CSMD1: variants seen among roughly 807,000 people sequenced by gnomAD.
The protein encoded by CSMD1 is CUB and sushi domain-containing protein 1.
A neutral mutation model predicts 417.5 loss-of-function variants in CSMD1; 213 were observed. That is an observed-to-expected ratio of 0.51 (90% confidence interval 0.46 to 0.57). The LOEUF is 0.57. Among genes scored for constraint, CSMD1 ranks in the 20% least tolerant of loss-of-function variants. The pLI, the probability that CSMD1 is intolerant of heterozygous loss-of-function variation, is 0.00. For missense variants in CSMD1, 6,923 were observed against 4,529.7 expected (o/e 1.53, Z -15.17); for synonymous variants, 2,862 against 1,736.8 (o/e 1.65, Z -16.11).
At chr8:3,945,507 A>T (rs2912289) in intron 5 of CSMD1, among the ~76,000 whole-genome samples, 6 of 151,768 alleles carry the variant, frequency 4.0e-5, no homozygotes. Context: ...ATATTTCCAA[A>T]GTTTATTGGT....
intron 3 of CSMD1, among the ~76,000 whole-genome samples, chr8:4,192,216 A>C (rs73658452): frequency 0.028 from 4,258 of 152,286 alleles, 216 homozygotes; most frequent in African/African-American, 0.097. Flanking sequence ...AACAGCAAAG[A>C]TGATTGAATG....
chr8:4,830,009 G>C (rs1397979850), intron 1 of CSMD1, among the ~76,000 whole-genome samples: 1 of 152,180 alleles, frequency 6.6e-6, no homozygotes, highest in African/African-American at 2.4e-5. Context: ...CTCTCGTGAT[G>C]AACTGCCTGT....
At chr8:4,161,414 C>T (rs965270655) in intron 3 of CSMD1, among the ~76,000 whole-genome samples, 3 of 152,170 alleles carry the variant, frequency 2.0e-5, no homozygotes, top group Non-Finnish European at 4.4e-5. Context: ...CTTGTCATTC[C>T]TCCTTAATTT....
At chr8:4,037,866 T>C (rs1230073693) in intron 3 of CSMD1, among the ~76,000 whole-genome samples, 2 of 152,118 alleles carry the variant, frequency 1.3e-5, no homozygotes, top group African/African-American at 2.4e-5. Flanking sequence ...TATATTCTCG[T>C]ATACATACGT....
rs116224235 is a variant in CSMD1, at chr8:3,933,350, G to C, written c.818+64553C>G. On this transcript the variant is annotated intron_variant, in intron 5 of 69. Coordinates refer to ENST00000635120, the MANE Select transcript of CSMD1 (RefSeq NM_033225.6). ...ATTAAATTACTTGAACCATTAAGCT[G>C]TTTTTGGCGACATTTCAGTTTAGTA... 6.2e-3 allele frequency among the ~76,000 whole-genome samples: 942 copies of C among 152,256 alleles called. 14 individuals are homozygous for C. Among genetic ancestry groups the C allele is most frequent in the African/African-American group, 0.022 (913 of 41,558 alleles).
chr8:4,434,744 T>G (rs143752688), intron 2 of CSMD1, among the ~76,000 whole-genome samples: 1 of 152,278 alleles, frequency 6.6e-6, no homozygotes, highest in East Asian at 1.9e-4. Flanking sequence ...ATTTTGGGAC[T>G]TAGCTCTTAG....
intron 21 of CSMD1, among the ~76,000 whole-genome samples, chr8:3,357,494 C>G (rs1280239092): frequency 6.6e-6 from 1 of 152,168 alleles, no homozygotes; most frequent in African/African-American, 2.4e-5. Flanking sequence ...CCTATTCTTC[C>G]AACTCTAGTT....
intron 41 of CSMD1, among the ~76,000 whole-genome samples, chr8:3,132,051 C>T (rs1817821821): frequency 6.6e-6 from 1 of 152,068 alleles, no homozygotes; most frequent in African/African-American, 2.4e-5. Context: ...CATAATGCCA[C>T]CTCTAGTGTA....
At chr8:4,130,934 G>A (rs1020977126) in intron 3 of CSMD1, among the ~76,000 whole-genome samples, 3 of 152,018 alleles carry the variant, frequency 2.0e-5, no homozygotes, top group Non-Finnish European at 2.9e-5. Context: ...CAGGCTTTCT[G>A]AATATCATAT....
chr8:3,752,373 C>T (rs763032594), intron 6 of CSMD1, among the ~76,000 whole-genome samples: 3 of 151,978 alleles, frequency 2.0e-5, no homozygotes, highest in African/African-American at 4.8e-5. Flanking sequence ...TATATTTTGG[C>T]GCTGGGTACG....
At chr8:4,584,754 G>A (rs1799616971) in intron 2 of CSMD1, among the ~76,000 whole-genome samples, 1 of 152,224 alleles carries the variant, frequency 6.6e-6, no homozygotes, top group East Asian at 1.9e-4. Context: ...ATGCCGGCCA[G>A]ACAAACTTCC....
At chr8:4,068,885 G>A (rs1347237914) in intron 3 of CSMD1, among the ~76,000 whole-genome samples, 1 of 152,174 alleles carries the variant, frequency 6.6e-6, no homozygotes, top group African/African-American at 2.4e-5. Flanking sequence ...CATTATGTAT[G>A]TAAAAATATG....
chr8:3,127,384 T>G (rs961603127), intron 41 of CSMD1: 1 of 152,234 alleles, frequency 6.6e-6, no homozygotes, highest in Non-Finnish European at 1.5e-5. Context: ...TGATGCAGTT[T>G]TAGAAGCATA....
intron 4 of CSMD1, among the ~76,000 whole-genome samples, chr8:4,014,826 T>C (rs562578187): frequency 1.3e-5 from 2 of 152,252 alleles, no homozygotes; most frequent in African/African-American, 2.4e-5. Flanking sequence ...TAACCTAACA[T>C]GGTATCTGCA....
rs1275329605 is a variant in CSMD1 at position 3,367,093 on chromosome 8, G to A, written c.3054C>T (p.Ala1018=). The part of the protein sequence containing the change: ...IKAGLFGNFT[A]QLRFISDFSI... ...AGAAGTCTGATATAAACCGAAGCTGGGCAGTGAAGTTTCCAAACAGGCCTG... is the reference window on the plus strand; with the variant it reads ...AGAAGTCTGATATAAACCGAAGCTGAGCAGTGAAGTTTCCAAACAGGCCTG... The change falls in exon 20 of 70, where the codon GCC becomes GCT. Residue 1018 remains alanine (A), a synonymous_variant. Transcript: ENST00000635120. The A allele has an allele frequency of 1.9e-6, 3 of 1,613,838 alleles. No individual in the cohort carries two copies. The highest frequency in any genetic ancestry group is 2.2e-5 in the South Asian group (2 of 91,030).
intron 52 of CSMD1, among the ~76,000 whole-genome samples, chr8:3,009,930 T>C (rs919080420): frequency 2.6e-5 from 4 of 152,228 alleles, no homozygotes; most frequent in African/African-American, 9.6e-5. Flanking sequence ...ACCAGGGCCA[T>C]CATTTGGACT....
intron 49 of CSMD1, among the ~76,000 whole-genome samples, chr8:3,054,628 A>C (rs1402719176): frequency 6.6e-6 from 1 of 151,884 alleles, no homozygotes; most frequent in African/African-American, 2.4e-5. Context: ...AAAAACAAAC[A>C]AAAAACACAT....
chr8:4,709,471 G>A (rs771813419), intron 1 of CSMD1, among the ~76,000 whole-genome samples: 18 of 152,198 alleles, frequency 1.2e-4, no homozygotes, highest in African/African-American at 3.4e-4. Context: ...TCCATAGGAC[G>A]TAAGGAACAG....
chr8:3,657,986 A>G (rs979155637), intron 7 of CSMD1, among the ~76,000 whole-genome samples: 3 of 152,186 alleles, frequency 2.0e-5, no homozygotes, highest in African/African-American at 7.2e-5. Flanking sequence ...AATATATTCT[A>G]TAAAGAGAAG....
Sources: gnomAD v4.1 joint callset for allele counts (sites outside exome capture counted in the v4.1 genomes callset) on GRCh38, gnomAD v4.1.1 for gene constraint, MANE v1.5 for transcripts, NCBI Gene and HGNC (gene_info 2026-07-23, HGNC 2026-07-21) for gene names.